The following SIM1 variants were observed in gnomAD, a reference collection of about 807,000 sequenced individuals.
The protein encoded by SIM1 is single-minded homolog 1.
A neutral mutation model predicts 78.2 loss-of-function variants in SIM1; 18 were observed. The ratio of observed to expected loss-of-function variants is 0.23; its 90% CI spans 0.16 to 0.34. The LOEUF (loss-of-function observed/expected upper bound fraction) is 0.34. Ranked by LOEUF, SIM1 falls within the 10% of genes least tolerant of loss-of-function variation. The pLI is 1.00. For missense variants in SIM1, 939 were observed against 975.1 expected (o/e 0.96, Z 0.49); for synonymous variants, 417 against 385.2 (o/e 1.08, Z -0.97).
Position 100,385,848 on chromosome 6 carries a change from A to T in SIM1, c.*4513T>A, listed in dbSNP as rs1448381095. 6.6e-6 allele frequency: 1 copy of T among 151,814 alleles called. No homozygotes were observed. Among genetic ancestry groups the T allele is most frequent in the African/African-American group, 2.4e-5 (1 of 41,338 alleles). 9.4% of individuals were successfully genotyped at this position (151,814 alleles called of 1,614,324 possible). ...CAAACCCCTATTTGGCAATGACCAC[A>T]CTCTCACTTTTTGAGTTAAGCACTA... On this transcript the variant is annotated 3_prime_UTR_variant, in exon 12 of 12. Transcript: ENST00000369208.
chr6:100,414,587 T>A (rs1345558213), intron 10 of SIM1, among the ~76,000 whole-genome samples: 1 of 152,246 alleles, frequency 6.6e-6, no homozygotes, highest in Admixed American at 6.5e-5. Context: ...ACCTATCTAA[T>A]ATAAGACTTT....
At chr6:100,430,865 C>A (rs1771882078) in intron 9 of SIM1, among the ~76,000 whole-genome samples, 1 of 152,056 alleles carries the variant, frequency 6.6e-6, no homozygotes, top group Non-Finnish European at 1.5e-5. Flanking sequence ...AGGGAGCATA[C>A]CTCCTGTTTT....
Position 100,448,666 on chromosome 6 carries a change from T to C in SIM1, c.556A>G (p.Ser186Gly). 6.2e-7 allele frequency: 1 copy of C among 1,611,092 alleles called. No homozygotes were observed. The highest frequency in any genetic ancestry group is 8.5e-7 in the Non-Finnish European group (1 of 1,179,938). The change falls in exon 7 of 12, where the codon AGC becomes GGC. Residue 186 changes from serine (S) to glycine (G), a missense_variant. Physicochemically the swap from Ser to Gly is moderately conservative, Grantham distance 56. This residue lies in a region of SIM1 where 187 missense variants were observed against 191.6 expected (regional missense o/e 0.98). Coordinates refer to ENST00000369208, the MANE Select transcript of SIM1 (RefSeq NM_005068.3). Reference sequence around the variant, plus strand: ...TACTGGCGGATCTTCAAGTAGCCGCTGCAGTGGATGACCTGAGGCAGAGGG... The same window carrying C: ...TACTGGCGGATCTTCAAGTAGCCGCCGCAGTGGATGACCTGAGGCAGAGGG... The part of the protein sequence containing the change: ...TCGGYKVIHC[S>G]GYLKIRQYSL...
intron 10 of SIM1, among the ~76,000 whole-genome samples, chr6:100,399,511 C>G (rs1054481685): frequency 6.6e-6 from 1 of 152,008 alleles, no homozygotes; most frequent in African/African-American, 2.4e-5. Context: ...TGAAATTGTT[C>G]TATATGATGA....
intron 10 of SIM1, among the ~76,000 whole-genome samples, chr6:100,415,074 G>A (rs904742834): frequency 1.3e-5 from 2 of 152,202 alleles, no homozygotes; most frequent in Non-Finnish European, 1.5e-5. Flanking sequence ...ACTGACTAGG[G>A]AAAAGGCAAG....
At chr6:100,458,225 A>G (rs1405497746) in intron 2 of SIM1, among the ~76,000 whole-genome samples, 1 of 152,040 alleles carries the variant, frequency 6.6e-6, no homozygotes, top group Non-Finnish European at 1.5e-5. Context: ...GGCGAAATTC[A>G]TGCAGCGTTC....
rs1582332990 is a variant in SIM1 at position 100,463,171 on chromosome 6, T to G, written c.175+123A>C. On this transcript the variant is annotated intron_variant, in intron 2 of 11. Transcript: ENST00000369208. ...CCTTAGTGAAGCAGCCGAGCTAAACTTCCCTTTGCAAAATATATATGTAAA... is the reference window on the plus strand; with the variant it reads ...CCTTAGTGAAGCAGCCGAGCTAAACGTCCCTTTGCAAAATATATATGTAAA... The G allele has an allele frequency of 5.5e-6, 5 of 903,806 alleles. No homozygotes were observed. The South Asian group carries it at 6.2e-5, about 11-fold the overall frequency. 56.0% of individuals were successfully genotyped at this position (903,806 alleles called of 1,614,324 possible).
At chr6:100,458,068 C>G (rs1189251846) in intron 2 of SIM1, among the ~76,000 whole-genome samples, 1 of 124,742 alleles carries the variant, frequency 8.0e-6, no homozygotes, top group Non-Finnish European at 1.7e-5. Flanking sequence ...CTCTCTCTCT[C>G]TCTGCCTTCG....
intron 10 of SIM1, among the ~76,000 whole-genome samples, chr6:100,414,175 G>A (rs17060534): frequency 0.082 from 12,444 of 152,254 alleles, 570 homozygotes; most frequent in East Asian, 0.18. Flanking sequence ...ATGGGCAGAA[G>A]CCAACAGTCC....
chr6:100,442,522 A>T (rs1302329559), intron 9 of SIM1, among the ~76,000 whole-genome samples: 1 of 152,178 alleles, frequency 6.6e-6, no homozygotes, highest in African/African-American at 2.4e-5. Context: ...ACGGGTATAC[A>T]TTAGTGCATG....
chr6:100,422,586 T>C (rs567533975), intron 9 of SIM1, among the ~76,000 whole-genome samples: 3 of 152,216 alleles, frequency 2.0e-5, no homozygotes, highest in Non-Finnish European at 4.4e-5. Context: ...TTATCTTCTT[T>C]TCTTTGTCCC....
chr6:100,463,609 G>T lies in SIM1; in HGVS notation c.-141C>A. ...AAAGAGGCTGAAGTATTTGCACCAA[G>T]AACAGTGTATTGATGGCAGTAAAAG... On this transcript the variant is annotated 5_prime_UTR_variant, in exon 2 of 12. Transcript: ENST00000369208. 1.3e-6 allele frequency: 1 copy of T among 781,836 alleles called. No individual in the cohort carries two copies. The highest frequency in any genetic ancestry group is 2.5e-5 in the East Asian group (1 of 40,284). The allele number at this position is 781,836 out of a possible 1,614,324, so 48.4% of individuals were successfully genotyped here.
intron 9 of SIM1, among the ~76,000 whole-genome samples, chr6:100,433,639 C>T (rs1312495396): frequency 6.6e-6 from 1 of 151,900 alleles, no homozygotes; most frequent in Non-Finnish European, 1.5e-5. Flanking sequence ...GAGGCTGAGG[C>T]TGTGGGAGGA....
chr6:100,457,228 A>G (rs1772688446), intron 2 of SIM1, among the ~76,000 whole-genome samples: 1 of 152,188 alleles, frequency 6.6e-6, no homozygotes, highest in Admixed American at 6.5e-5. Flanking sequence ...ATTTTTCTTT[A>G]TTTTAATAAA....
At chr6:100,442,828 C>T (rs540019331) in intron 9 of SIM1, among the ~76,000 whole-genome samples, 3 of 152,016 alleles carry the variant, frequency 2.0e-5, no homozygotes, top group African/African-American at 7.2e-5. Context: ...CCCAAATTAA[C>T]CCAGCACAAA....
intron 6 of SIM1, among the ~76,000 whole-genome samples, chr6:100,448,972 A>T (rs1772438791): frequency 6.6e-6 from 1 of 152,178 alleles, no homozygotes; most frequent in African/African-American, 2.4e-5. Context: ...ACGTTCAAGG[A>T]CATTCAACGT....
rs908589118 is a variant in SIM1, at chr6:100,385,745, T to C, written c.*4616A>G. 3 of 150,698 alleles carry C rather than the reference T, an allele frequency of 2.0e-5. No homozygotes were observed. The highest frequency in any genetic ancestry group is 4.9e-5 in the African/African-American group (2 of 40,926). The allele number at this position is 150,698 out of a possible 1,614,324, so 9.3% of individuals were successfully genotyped here. A position where few individuals can be genotyped will look rare whatever the true frequency, so the allele number is the denominator to read the frequency against. On this transcript the variant is annotated 3_prime_UTR_variant, in exon 12 of 12. Transcript: ENST00000369208. Reference sequence around the variant, plus strand: ...ATATGGCACATTTTCATGAATATGATATAAAAATCATATTTTTCTGTGTGC... The same window carrying C: ...ATATGGCACATTTTCATGAATATGACATAAAAATCATATTTTTCTGTGTGC...
At chr6:100,394,843 T>C (rs1770731164) in intron 10 of SIM1, among the ~76,000 whole-genome samples, 1 of 152,218 alleles carries the variant, frequency 6.6e-6, no homozygotes, top group Non-Finnish European at 1.5e-5. Flanking sequence ...AATAAACGCT[T>C]ACCTAATTCA....
chr6:100,461,441 A>C (rs969756344), intron 2 of SIM1, among the ~76,000 whole-genome samples: 1 of 152,168 alleles, frequency 6.6e-6, no homozygotes, highest in Non-Finnish European at 1.5e-5. Flanking sequence ...CCCGCCCCAG[A>C]ACGCCGCCCT....
Sources: gnomAD v4.1 joint callset for allele counts (sites outside exome capture counted in the v4.1 genomes callset) on GRCh38, gnomAD v4.1.1 for gene constraint, gnomAD v4.1.1 regional missense constraint, MANE v1.5 for transcripts, NCBI Gene and HGNC (gene_info 2026-07-23, HGNC 2026-07-21) for gene names.